The following MTFR1 variants were observed in gnomAD, a reference collection of about 807,000 sequenced individuals.
The protein encoded by MTFR1 is chondrocyte protein with a poly-proline region.
A neutral mutation model predicts 38.8 loss-of-function variants in MTFR1; 28 were observed. The ratio of observed to expected loss-of-function variants is 0.72; its 90% confidence interval spans 0.53 to 0.99. MTFR1 has a LOEUF of 0.99. Among genes scored for constraint, MTFR1 ranks in the 50% least tolerant of loss-of-function variants. The pLI is 0.00. For synonymous variants in MTFR1, 145 were observed against 137.0 expected (o/e 1.06, Z -0.41); for missense variants, 358 against 395.5 (o/e 0.91, Z 0.81).
intron 3 of MTFR1, among the ~76,000 whole-genome samples, chr8:65,760,292 A>G (rs948855178): frequency 6.6e-6 from 1 of 152,224 alleles, no homozygotes; most frequent in Non-Finnish European, 1.5e-5. Flanking sequence ...AATATATGTA[A>G]CATCACTTTT....
chr8:65,753,817 TTTATCA>T (rs1235026587), intron 3 of MTFR1, among the ~76,000 whole-genome samples: 13 of 152,202 alleles, frequency 8.5e-5, no homozygotes, highest in Non-Finnish European at 1.9e-4. Context: ...TACGTATGTG[TTTATCA>T]TTATTATATC....
intron 3 of MTFR1, among the ~76,000 whole-genome samples, chr8:65,684,069 A>G (rs1204346102): frequency 3.9e-5 from 6 of 152,332 alleles, no homozygotes; most frequent in South Asian, 2.1e-4. Flanking sequence ...GTTTGCATTC[A>G]TATAGCTAGA....
downstream of MTFR1, among the ~76,000 whole-genome samples, chr8:65,712,621 T>TTAGGGAGCCACTCAGATTAGGTA (rs1805983801): frequency 6.6e-6 from 1 of 152,108 alleles, no homozygotes; most frequent in Non-Finnish European, 1.5e-5. Flanking sequence ...ATGTTATAGG[T>TTAGGGAGCCACTCAGATTAGGTA]TAGGGAGCCA....
At chr8:65,752,769 C>T (rs956429337) in intron 3 of MTFR1, among the ~76,000 whole-genome samples, 2 of 152,170 alleles carry the variant, frequency 1.3e-5, no homozygotes, top group Non-Finnish European at 2.9e-5. Flanking sequence ...TAAAATCAGA[C>T]ACTCTAAACT....
chr8:65,654,064 CAAAA>C, intron 1 of MTFR1, among the ~76,000 whole-genome samples: 1 of 83,646 alleles, frequency 1.2e-5, no homozygotes. Flanking sequence ...CTTTGTCTCT[CAAAA>C]AAAAAAAAAA....
rs375749755 is a variant in MTFR1 at position 65,761,826 on chromosome 8, G to C, written c.*49-9121G>C. 1.2e-4 allele frequency among the ~76,000 whole-genome samples: 19 copies of C among 152,178 alleles called. No homozygotes were observed. The East Asian group carries it at 1.7e-3, about 14-fold the overall frequency. ...CCCTCCTCATATTAGAAAGTAGACA[G>C]GAAATACAAGCCCCAGGTCAAGGAA... On this transcript the variant is annotated intron_variant, in intron 3 of 3. Coordinates refer to the MTFR1 transcript ENST00000521247.
intron 3 of MTFR1, among the ~76,000 whole-genome samples, chr8:65,693,380 C>T (rs573004380): frequency 7.3e-5 from 11 of 150,292 alleles, no homozygotes; most frequent in Non-Finnish European, 1.3e-4. Context: ...CCAGCCTGGG[C>T]GACAGAGCTA....
intron 2 of MTFR1, among the ~76,000 whole-genome samples, chr8:65,680,418 G>C (rs936248815): frequency 2.0e-5 from 3 of 152,092 alleles, no homozygotes; most frequent in Non-Finnish European, 2.9e-5. Context: ...TCCTACCTCA[G>C]CCTCCCAAAG....
chr8:65,701,810 G>A (rs541256630), intron 4 of MTFR1, among the ~76,000 whole-genome samples: 1 of 152,200 alleles, frequency 6.6e-6, no homozygotes, highest in South Asian at 2.1e-4. Flanking sequence ...AGAGTCCATA[G>A]GAAATACTTA....
In MTFR1 at chr8:65,663,779, C is replaced by CTCCCT. The variant is rs1804284032; in HGVS notation, c.-80-6086_-80-6082dup. On this transcript the variant is annotated intron_variant, in intron 1 of 7. Coordinates refer to ENST00000262146, the MANE Select transcript of MTFR1 (RefSeq NM_014637.4). ...CCCCTCCCCTTCCCCTTCCCCTCCC[C>CTCCCT]TCCCTTCCCTTCTCTTCTTCCTTCT... is the stretch of plus-strand genomic sequence containing the variant. Among the ~76,000 whole-genome samples, 3 of 149,942 alleles carry CTCCCT rather than the reference C, an allele frequency of 2.0e-5. 1 individual carries two copies. The highest frequency in any genetic ancestry group is 6.6e-5 in the Admixed American group (1 of 15,040).
chr8:65,699,170 T>A (rs750799165), intron 4 of MTFR1, among the ~76,000 whole-genome samples: 58 of 152,194 alleles, frequency 3.8e-4, no homozygotes, highest in Non-Finnish European at 7.9e-4. Flanking sequence ...AAAGGAATGA[T>A]CTCCTTGTTT....
chr8:65,651,787 A>C (rs1302112669), intron 1 of MTFR1, among the ~76,000 whole-genome samples: 1 of 151,932 alleles, frequency 6.6e-6, no homozygotes, highest in East Asian at 1.9e-4. Context: ...GTTCCATATA[A>C]ATTTTAGGAT....
chr8:65,721,956 A>T (rs1806397041), intron 3 of MTFR1: 1 of 151,932 alleles, frequency 6.6e-6, no homozygotes. Flanking sequence ...CACCCAGCTA[A>T]TTTTTGTATT....
At chr8:65,647,736 A>T (rs530098708) in intron 1 of MTFR1, among the ~76,000 whole-genome samples, 1 of 152,186 alleles carries the variant, frequency 6.6e-6, no homozygotes, top group South Asian at 2.1e-4. Context: ...ATTACTGCCC[A>T]GCTACTGAAC....
chr8:65,771,106 T>C lies in MTFR1; in HGVS notation c.*208T>C, dbSNP rs190627853. 8 of 313,226 alleles carry C rather than the reference T, an allele frequency of 2.6e-5. No individual in the cohort carries two copies. In the Middle Eastern group the frequency reaches 1.6e-3, roughly 61 times the overall value. 19.4% of individuals were successfully genotyped at this position (313,226 alleles called of 1,614,324 possible). A position where few individuals can be genotyped will look rare whatever the true frequency, so the allele number is the denominator to read the frequency against. ...ATATTGTGGCATCTACATAATAAAA[T>C]GGTTGAGGTCCTTCTTTTGTTAATT... On this transcript the variant is annotated 3_prime_UTR_variant, in exon 4 of 4. Transcript: ENST00000521247.
At chr8:65,703,742 TA>T (rs1805693334) in intron 4 of MTFR1, among the ~76,000 whole-genome samples, 1 of 152,132 alleles carries the variant, frequency 6.6e-6, no homozygotes, top group African/African-American at 2.4e-5. Context: ...GCCTCTTTGT[TA>T]TTTTTGTTTT....
At chr8:65,705,695 A>C (rs958685938) in intron 5 of MTFR1, among the ~76,000 whole-genome samples, 4 of 152,210 alleles carry the variant, frequency 2.6e-5, no homozygotes, top group Non-Finnish European at 4.4e-5. Context: ...ACCTGCCTTT[A>C]CTGCTCTAAA....
At chr8:65,699,308 C>T (rs1268125222) in intron 4 of MTFR1, among the ~76,000 whole-genome samples, 2 of 152,174 alleles carry the variant, frequency 1.3e-5, no homozygotes, top group African/African-American at 4.8e-5. Context: ...AACACGTGTG[C>T]TTGTGTCCTT....
intron 3 of MTFR1, chr8:65,739,443 T>TA: frequency 6.7e-7 from 1 of 1,487,468 alleles, no homozygotes; most frequent in South Asian, 1.4e-5. Flanking sequence ...AGATAAAACT[T>TA]AAACAGGTTC....
Sources: allele counts gnomAD v4.1 joint callset (sites outside exome capture counted in the v4.1 genomes callset), GRCh38; gene constraint gnomAD v4.1.1; transcripts MANE v1.5; gene names NCBI Gene and HGNC (gene_info 2026-07-23, HGNC 2026-07-21).